WDFY4: variants seen among roughly 807,000 people sequenced by gnomAD.
The protein encoded by WDFY4 is WDFY family member 4.
Under a neutral mutation model 351.9 loss-of-function variants are expected in WDFY4, and 169 were observed. The ratio of observed to expected loss-of-function variants is 0.48; its 90% CI spans 0.42 to 0.55. The LOEUF is 0.55. Ranked by LOEUF, WDFY4 falls within the 20% of genes least tolerant of loss-of-function variation. The pLI is 0.00. For missense variants in WDFY4, 3,803 were observed against 3,935.6 expected (o/e 0.97, Z 0.90); for synonymous variants, 1,622 against 1,574.6 (o/e 1.03, Z -0.71).
chr10:48,746,785 C>T (rs930936824), intron 12 of WDFY4, among the ~76,000 whole-genome samples: 3 of 151,980 alleles, frequency 2.0e-5, no homozygotes, highest in Non-Finnish European at 2.9e-5. Context: ...TATCTTTATC[C>T]TTCCAATTAA....
At chr10:48,687,126 A>G (rs1448118917) in intron 1 of WDFY4, among the ~76,000 whole-genome samples, 1 of 152,178 alleles carries the variant, frequency 6.6e-6, no homozygotes, top group African/African-American at 2.4e-5. Flanking sequence ...AAGGTTGGAC[A>G]TCTTTTTCAT....
rs10598078 is a variant in WDFY4, at chr10:48,931,096, AAC to A, written c.7587-10677_7587-10676del. Among the ~76,000 whole-genome samples the A allele has an allele frequency of 2.6e-3, 392 of 150,348 alleles. 1 individual carries two copies. The highest frequency in any genetic ancestry group is 9.2e-3 in the African/African-American group (377 of 40,944). Reference sequence around the variant, plus strand: ...ACACATGCATGCACACTCACACTCAAACACACACACACACACACACACACACA... The same window carrying A: ...ACACATGCATGCACACTCACACTCAAACACACACACACACACACACACACA... On this transcript the variant is annotated intron_variant, in intron 47 of 61. Coordinates refer to ENST00000325239, the MANE Select transcript of WDFY4 (RefSeq NM_001394531.1).
chr10:48,818,238 G>A (rs970661391), intron 32 of WDFY4, among the ~76,000 whole-genome samples: 7 of 152,216 alleles, frequency 4.6e-5, no homozygotes, highest in Non-Finnish European at 8.8e-5. Flanking sequence ...AGCTAAAGGA[G>A]CATATTTGAA....
chr10:48,982,235 C>A (rs1487462717), intron 61 of WDFY4, among the ~76,000 whole-genome samples: 2 of 152,246 alleles, frequency 1.3e-5, no homozygotes, highest in Non-Finnish European at 2.9e-5. Flanking sequence ...CCTGGAGGCA[C>A]TGGAGAGAGG....
intron 47 of WDFY4, among the ~76,000 whole-genome samples, chr10:48,917,315 T>C (rs1838641847): frequency 6.6e-6 from 1 of 152,136 alleles, no homozygotes; most frequent in South Asian, 2.1e-4. Flanking sequence ...GGAAAAACAG[T>C]TGTGGTGCAG....
At chr10:48,939,849 G>A (rs904828964) in intron 47 of WDFY4, among the ~76,000 whole-genome samples, 2 of 152,090 alleles carry the variant, frequency 1.3e-5, no homozygotes, top group Non-Finnish European at 2.9e-5. Context: ...ATGAGGAGGG[G>A]GATGGTGAAA....
intron 39 of WDFY4, among the ~76,000 whole-genome samples, chr10:48,849,507 C>A (rs1053578142): frequency 6.6e-6 from 1 of 152,190 alleles, no homozygotes; most frequent in African/African-American, 2.4e-5. Context: ...TTTAATACAA[C>A]GAGCTGTTGA....
chr10:48,943,071 A>C (rs1179247623), intron 48 of WDFY4, among the ~76,000 whole-genome samples: 1 of 150,758 alleles, frequency 6.6e-6, no homozygotes, highest in Non-Finnish European at 1.5e-5. Context: ...AGCATGTTTT[A>C]TCCTTGGTGT....
chr10:48,748,180 C>A lies in WDFY4; in HGVS notation c.2459+4632C>A, dbSNP rs925661759. On this transcript the variant is annotated intron_variant, in intron 12 of 61. Coordinates refer to ENST00000325239, the MANE Select transcript of WDFY4 (RefSeq NM_001394531.1). ...GACTTATTCTGCCAGCTCTCAGGGG[C>A]AGGGGAGTATTTGTCAGTATGAAAA... Among the ~76,000 whole-genome samples, 8 of 152,118 alleles carry A rather than the reference C, an allele frequency of 5.3e-5. No homozygotes were observed. The East Asian group carries it at 1.5e-3, about 29-fold the overall frequency.
At chr10:48,870,093 T>C (rs2069707609) in intron 40 of WDFY4, among the ~76,000 whole-genome samples, 1 of 152,174 alleles carries the variant, frequency 6.6e-6, no homozygotes, top group East Asian at 1.9e-4. Context: ...CTATAACCAT[T>C]CATAACAACT....
rs2133779065 is a variant in WDFY4, at chr10:48,946,074, A to G, written c.7784A>G (p.Asp2595Gly). ...LNLANPKIFRDLSKPMGAQTK... is the reference protein window; with the variant it reads ...LNLANPKIFRGLSKPMGAQTK... Reference sequence around the variant, plus strand: ...TTGGCAAATCCGAAGATTTTCCGGGATCTTTCAAAGCCCATGGGGGCTCAG... The same window carrying G: ...TTGGCAAATCCGAAGATTTTCCGGGGTCTTTCAAAGCCCATGGGGGCTCAG... The change falls in exon 50 of 62, where the codon GAT becomes GGT. Residue 2595 changes from aspartate to glycine, a missense_variant. Physicochemically the swap from Asp to Gly is moderately conservative, Grantham distance 94. Around this residue, in one of 3 missense-constraint regions of WDFY4, gnomAD observed 3,054 missense variants for 3,148.6 expected, o/e 0.97. Transcript: ENST00000325239. The G allele has an allele frequency of 1.3e-6, 2 of 1,545,174 alleles. No homozygotes were observed. The highest frequency in any genetic ancestry group is 2.4e-5 in the South Asian group (2 of 82,350).
chr10:48,960,627 C>T (rs1490107497), intron 53 of WDFY4, among the ~76,000 whole-genome samples: 3 of 152,128 alleles, frequency 2.0e-5, no homozygotes, highest in East Asian at 1.9e-4. Flanking sequence ...TGAATCTTCA[C>T]CAGGTTTATT....
intron 39 of WDFY4, among the ~76,000 whole-genome samples, chr10:48,854,346 C>G (rs189422053): frequency 6.6e-6 from 1 of 151,974 alleles, no homozygotes; most frequent in Non-Finnish European, 1.5e-5. Context: ...TGAGCTCCAG[C>G]GATCCGCCCA....
chr10:48,910,244 G>T (rs773905207), intron 47 of WDFY4: 2 of 1,609,294 alleles, frequency 1.2e-6, no homozygotes, highest in East Asian at 2.2e-5. Context: ...ACTCTAGGAA[G>T]ATGTCAAGCG....
chr10:48,739,422 C>T (rs989218195), intron 11 of WDFY4, among the ~76,000 whole-genome samples: 1 of 152,160 alleles, frequency 6.6e-6, no homozygotes, highest in African/African-American at 2.4e-5. Context: ...GACTGAAAAC[C>T]CTATGTGATG....
intron 52 of WDFY4, among the ~76,000 whole-genome samples, 180 bp downstream of exon 52, chr10:48,957,462 G>A (rs919317337): frequency 1.3e-5 from 2 of 152,216 alleles, no homozygotes; most frequent in African/African-American, 4.8e-5. Flanking sequence ...GAGGAAGGGC[G>A]CTGGCCCCAG....
chr10:48,739,064 T>TGTGATTGG (rs1367701755), intron 11 of WDFY4, among the ~76,000 whole-genome samples: 7 of 152,274 alleles, frequency 4.6e-5, no homozygotes, highest in African/African-American at 1.7e-4. Flanking sequence ...CCGGTGGGAC[T>TGTGATTGG]GTGATTGGGT....
At chr10:48,823,408 C>T in intron 35 of WDFY4, 1 of 1,206,966 alleles carries the variant, frequency 8.3e-7, no homozygotes, top group South Asian at 1.5e-5. Context: ...GAGGACCACT[C>T]TCCTTCCTCT....
intron 4 of WDFY4, among the ~76,000 whole-genome samples, chr10:48,722,353 G>C (rs559793996): frequency 1.2e-4 from 19 of 152,298 alleles, no homozygotes; most frequent in African/African-American, 4.6e-4. Flanking sequence ...CTAAGGGCTT[G>C]TTTTTCACTG....
Sources: gnomAD v4.1 joint callset for allele counts (sites outside exome capture counted in the v4.1 genomes callset) on GRCh38, gnomAD v4.1.1 for gene constraint, gnomAD v4.1.1 regional missense constraint, MANE v1.5 for transcripts, NCBI Gene and HGNC (gene_info 2026-07-23, HGNC 2026-07-21) for gene names.